SOX5: variants seen among roughly 807,000 people sequenced by gnomAD.
SOX5 encodes the protein SRY-box transcription factor 5.
SOX5 carries 9 observed loss-of-function variants against 92.0 expected under a neutral mutation model. That is an observed-to-expected ratio of 0.10 (90% CI 0.06 to 0.17). SOX5 has a LOEUF of 0.17. Among genes scored for constraint, SOX5 ranks in the 10% least tolerant of loss-of-function variants. The pLI, the probability that SOX5 is intolerant of heterozygous loss-of-function variation, is 1.00. For synonymous variants in SOX5, 344 were observed against 336.3 expected (o/e 1.02, Z -0.25); for missense variants, 642 against 944.5 (o/e 0.68, Z 4.20).
rs377247698 is a variant in SOX5, at chr12:24,157,489, A to G, written c.-2+55854T>C. 3.9e-5 allele frequency among the ~76,000 whole-genome samples: 6 copies of G among 152,222 alleles called. No individual in the cohort carries two copies. In the East Asian group the frequency reaches 9.6e-4, roughly 24 times the overall value. On this transcript the variant is annotated intron_variant, in intron 4 of 4. Transcript: ENST00000446891. The stretch of plus-strand genomic sequence containing the variant: ...TCACCTTTCAATGTCAACAGGTATA[A>G]TTTACTAATCTCTAAATGCTTACTT...
At chr12:23,636,978 C>A (rs527512879) in intron 8 of SOX5, among the ~76,000 whole-genome samples, 33 of 152,166 alleles carry the variant, frequency 2.2e-4, no homozygotes, top group Admixed American at 2.0e-3. Context: ...AGATAATCCT[C>A]GGAAAATCTT....
intron 3 of SOX5, among the ~76,000 whole-genome samples, chr12:23,825,572 A>G (rs576449038): frequency 6.6e-6 from 1 of 152,182 alleles, no homozygotes; most frequent in Non-Finnish European, 1.5e-5. Context: ...ATGTGTTTGT[A>G]TGCGTGTATT....
intron 4 of SOX5, among the ~76,000 whole-genome samples, chr12:24,141,809 G>A (rs1267396554): frequency 6.6e-6 from 1 of 152,194 alleles, no homozygotes; most frequent in Non-Finnish European, 1.5e-5. Flanking sequence ...GGCCTGAAAT[G>A]TGACCAAAGG....
At chr12:23,791,427 G>T (rs773112232) in intron 3 of SOX5, among the ~76,000 whole-genome samples, 1 of 152,164 alleles carries the variant, frequency 6.6e-6, no homozygotes, top group Non-Finnish European at 1.5e-5. Context: ...TCAGCACCCG[G>T]AGTAGCTGCA....
intron 4 of SOX5, among the ~76,000 whole-genome samples, chr12:23,979,828 C>G (rs567887561): frequency 4.3e-4 from 63 of 147,830 alleles, no homozygotes; most frequent in African/African-American, 1.4e-3. Context: ...AGCAATCCTC[C>G]TGCCTCAGCC....
At position 23,604,415 on chromosome 12, in the gene SOX5, C is replaced by T. The variant is rs376540070; in HGVS notation, c.1136G>A (p.Ser379Asn). The change falls in exon 9 of 15, where the codon AGC (serine) becomes AAC (asparagine). Residue 379 changes from serine (S) to asparagine (N), a missense_variant. Physicochemically the swap from Ser to Asn is conservative, Grantham distance 46. Coordinates refer to ENST00000451604, the MANE Select transcript of SOX5 (RefSeq NM_006940.6). The part of the protein sequence containing the change: ...VSPTSIHTDK[S>N]TNSPPPKSKD... ...GCTTTTGGGTGGTGGGCTGTTTGTG[C>T]TCTTGTCTGTGTGAATGCTGGTAGG... 9.3e-6 allele frequency: 15 copies of T among 1,613,692 alleles called. No homozygotes were observed. Among genetic ancestry groups the T allele is most frequent in the South Asian group, 6.6e-5 (6 of 91,072 alleles).
intron 1 of SOX5, among the ~76,000 whole-genome samples, chr12:24,430,548 A>C (rs1412440477): frequency 6.6e-6 from 1 of 152,126 alleles, no homozygotes; most frequent in Non-Finnish European, 1.5e-5. Flanking sequence ...GAAACCACAC[A>C]CACACATAAA....
At chr12:23,739,352 C>T (rs2093715055) in intron 5 of SOX5, among the ~76,000 whole-genome samples, 1 of 152,108 alleles carries the variant, frequency 6.6e-6, no homozygotes, top group Admixed American at 6.6e-5. Context: ...CATTTTCCTA[C>T]TATGTATATT....
intron 3 of SOX5, among the ~76,000 whole-genome samples, chr12:23,838,365 T>C (rs1172084312): frequency 1.3e-5 from 2 of 151,554 alleles, no homozygotes; most frequent in East Asian, 1.9e-4. Context: ...TCTCCCATCA[T>C]TGCAGTTATT....
intron 2 of SOX5, among the ~76,000 whole-genome samples, chr12:24,299,461 A>G (rs947877201): frequency 2.6e-5 from 4 of 151,918 alleles, no homozygotes; most frequent in African/African-American, 9.7e-5. Context: ...GCCAGTGCTT[A>G]TATCTGGGTA....
chr12:24,219,049 T>C (rs1005550928), intron 3 of SOX5, among the ~76,000 whole-genome samples: 3 of 152,032 alleles, frequency 2.0e-5, no homozygotes, highest in East Asian at 1.9e-4. Context: ...TGTAAAACCA[T>C]AGAGATTTTT....
intron 4 of SOX5, among the ~76,000 whole-genome samples, chr12:24,046,966 C>T (rs997875893): frequency 2.0e-5 from 3 of 152,114 alleles, no homozygotes; most frequent in East Asian, 1.9e-4. Context: ...GGATCACAGG[C>T]GTGAGCCACC....
chr12:24,387,353 T>A (rs565270188), intron 1 of SOX5, among the ~76,000 whole-genome samples: 13 of 152,182 alleles, frequency 8.5e-5, no homozygotes, highest in African/African-American at 3.1e-4. Flanking sequence ...ACATTGAGAT[T>A]TTTTTGCAAT....
chr12:23,869,288 G>A (rs1202120304), intron 2 of SOX5, among the ~76,000 whole-genome samples: 1 of 152,096 alleles, frequency 6.6e-6, no homozygotes, highest in Non-Finnish European at 1.5e-5. Flanking sequence ...AAAATGTAGT[G>A]CAGGTTATAT....
At chr12:24,365,632 A>G (rs1956086371) in intron 2 of SOX5, among the ~76,000 whole-genome samples, 1 of 126,540 alleles carries the variant, frequency 7.9e-6, no homozygotes, top group Non-Finnish European at 1.8e-5. Context: ...ACAAAATTTG[A>G]TATAATTATT....
chr12:23,991,584 C>T (rs1200137653), intron 4 of SOX5, among the ~76,000 whole-genome samples: 1 of 151,872 alleles, frequency 6.6e-6, no homozygotes, highest in Non-Finnish European at 1.5e-5. Context: ...ACGAATTATA[C>T]ATTTGCATTA....
intron 2 of SOX5, among the ~76,000 whole-genome samples, chr12:24,301,057 A>C (rs1413027948): frequency 6.6e-6 from 1 of 152,218 alleles, no homozygotes; most frequent in African/African-American, 2.4e-5. Context: ...AGGTTGCCTC[A>C]GTGCTCCCTG....
chr12:23,670,896 G>A lies in SOX5; in HGVS notation c.811-5332C>T, dbSNP rs550168039. ...TAATATTATCAGATCTCCCTTTTCT[G>A]TGATTTTTCTCAAAACGTGCCTAAT... On this transcript the variant is annotated intron_variant, in intron 6 of 14. Coordinates refer to ENST00000451604, the MANE Select transcript of SOX5 (RefSeq NM_006940.6). Among the ~76,000 whole-genome samples the A allele has an allele frequency of 3.9e-4, 59 of 152,248 alleles. 1 individual carries two copies. The highest frequency in any genetic ancestry group is 1.4e-3 in the African/African-American group (59 of 41,560).
intron 6 of SOX5, among the ~76,000 whole-genome samples, chr12:23,689,400 T>C (rs115602368): frequency 0.034 from 5,179 of 152,204 alleles, 279 homozygotes; most frequent in African/African-American, 0.12. Context: ...GCTGCTTCTG[T>C]CCTCATTCAT....
Sources: allele counts gnomAD v4.1 joint callset (sites outside exome capture counted in the v4.1 genomes callset), GRCh38; gene constraint gnomAD v4.1.1; transcripts MANE v1.5; gene names NCBI Gene and HGNC (gene_info 2026-07-23, HGNC 2026-07-21).